PEF1: variants seen among roughly 807,000 people sequenced by gnomAD.
PEF1 encodes the protein peflin.
In PEF1, 17 loss-of-function variants were observed where a neutral mutation model predicts 32.0. The ratio of observed to expected loss-of-function variants is 0.53; its 90% CI spans 0.36 to 0.80. The LOEUF (loss-of-function observed/expected upper bound fraction) is 0.80. PEF1 is among the 30% of genes least tolerant of loss of function. The probability of loss-of-function intolerance (pLI) is 0.00; values close to 1 mark genes in which losing one functional copy is unlikely to be tolerated. For missense variants in PEF1, 362 were observed against 369.1 expected (o/e 0.98, Z 0.16); for synonymous variants, 130 against 139.8 (o/e 0.93, Z 0.50).
rs1365153595 is a variant in PEF1 at position 31,635,408 on chromosome 1, C to T, written c.139G>A (p.Gly47Arg). The T allele has an allele frequency of 6.2e-7, 1 of 1,612,982 alleles. No individual in the cohort carries two copies. The highest frequency in any genetic ancestry group is 8.5e-7 in the Non-Finnish European group (1 of 1,179,542). Residue 47 changes from glycine (G) to arginine (R), a missense_variant, in exon 2 of 5, where the codon GGG (glycine) becomes AGG (arginine). Gly to Arg is a moderately radical substitution (Grantham distance 125). Coordinates refer to ENST00000373703, the MANE Select transcript of PEF1 (RefSeq NM_012392.4). ...GSGLPPGGGYGGPAPGGPYGP... is the reference protein window; with the variant it reads ...GSGLPPGGGYRGPAPGGPYGP... ...TAAGGCCCTCCAGGGGCAGGACCCC[C>T]ATAACCACCACCAGGGGGTAGCCCA...
intron 1 of PEF1, among the ~76,000 whole-genome samples, chr1:31,642,919 A>G (rs1640439434): frequency 6.6e-6 from 1 of 152,228 alleles, no homozygotes; most frequent in Non-Finnish European, 1.5e-5. Flanking sequence ...CTATTAAGTA[A>G]TACAGCTAGA....
intron 1 of PEF1, among the ~76,000 whole-genome samples, chr1:31,640,666 T>C (rs912122498): frequency 2.0e-5 from 3 of 152,162 alleles, no homozygotes; most frequent in Non-Finnish European, 2.9e-5. Flanking sequence ...CAGTTAATAA[T>C]GGAATCTCTG....
chr1:31,642,850 C>T (rs1172657802), intron 1 of PEF1, among the ~76,000 whole-genome samples: 2 of 152,166 alleles, frequency 1.3e-5, no homozygotes, highest in Non-Finnish European at 2.9e-5. Context: ...ATTATTTCTC[C>T]CTTTATACAG....
chr1:31,632,094 G>C (rs1640120832), intron 4 of PEF1, among the ~76,000 whole-genome samples: 1 of 152,228 alleles, frequency 6.6e-6, no homozygotes, highest in African/African-American at 2.4e-5. Flanking sequence ...ACTAGCAGAG[G>C]TGGCAACAGA....
At chr1:31,638,655 C>T (rs1276489395) in intron 1 of PEF1, among the ~76,000 whole-genome samples, 1 of 152,254 alleles carries the variant, frequency 6.6e-6, no homozygotes, top group Non-Finnish European at 1.5e-5. Context: ...AGTCTGGCAG[C>T]AATTAAACCC....
At chr1:31,633,533 G>A (rs894861497) in intron 2 of PEF1, among the ~76,000 whole-genome samples, 4 of 152,140 alleles carry the variant, frequency 2.6e-5, no homozygotes, top group African/African-American at 9.7e-5. Context: ...TGGAGTTCTC[G>A]TATAGTGTTC....
intron 2 of PEF1, among the ~76,000 whole-genome samples, chr1:31,634,072 T>C (rs1195030536): frequency 6.6e-6 from 1 of 152,112 alleles, no homozygotes; most frequent in African/African-American, 2.4e-5. Context: ...AAGACAGCCA[T>C]GGGCAGTTGT....
chr1:31,643,909 T>G (rs1640474559), intron 1 of PEF1: 1 of 152,170 alleles, frequency 6.6e-6, no homozygotes, highest in Admixed American at 6.5e-5. Flanking sequence ...AGAAGTCTAC[T>G]AAAAATCAAA....
intron 4 of PEF1, among the ~76,000 whole-genome samples, chr1:31,631,630 T>C (rs1422087709): frequency 2.0e-5 from 3 of 152,194 alleles, no homozygotes; most frequent in Non-Finnish European, 2.9e-5. Flanking sequence ...GAATTATAAA[T>C]AGTACCTAGC....
chr1:31,630,549 C>G lies in PEF1; in HGVS notation c.*64G>C. ...CAGGAAAAGAAGAGATGTCCACATA[C>G]TTCTCTCACTCTAAGAAGCCAGGAA... On this transcript the variant is annotated 3_prime_UTR_variant, in exon 5 of 5. Transcript: ENST00000373703. 6 of 1,455,800 alleles carry G rather than the reference C, an allele frequency of 4.1e-6. No homozygotes were observed. Among genetic ancestry groups the G allele is most frequent in the Non-Finnish European group, 5.7e-6 (6 of 1,046,306 alleles). 90.2% of individuals were successfully genotyped at this position (1,455,800 alleles called of 1,614,324 possible). A position where few individuals can be genotyped will look rare whatever the true frequency, so the allele number is the denominator to read the frequency against.
In PEF1 at chr1:31,644,858, T is replaced by C. The variant is rs764113135; in HGVS notation, c.7A>G (p.Ser3Gly). 6 of 1,613,838 alleles carry C rather than the reference T, an allele frequency of 3.7e-6. No homozygotes were observed. Among genetic ancestry groups the C allele is most frequent in the Non-Finnish European group, 5.1e-6 (6 of 1,179,904 alleles). ...ACACTCACCTGCCGGTAAGGATAGC[T>C]GGCCATGGTGATTCTGACGTCACAC... is the stretch of plus-strand genomic sequence containing the variant. MA[S>G]YPYRQGCPGA... The change falls in exon 1 of 5, where the codon AGC becomes GGC. Residue 3 changes from serine (S) to glycine (G), a missense_variant. By Grantham distance (56) the Ser-to-Gly change is moderately conservative (BLOSUM62 0). Transcript: ENST00000373703.
intron 1 of PEF1, among the ~76,000 whole-genome samples, chr1:31,637,434 A>G (rs1640278869): frequency 6.6e-6 from 1 of 152,136 alleles, no homozygotes; most frequent in Admixed American, 6.5e-5. Context: ...TTAGCTAAAG[A>G]ATCCTTTGAT....
chr1:31,634,046 G>A (rs1027681956), intron 2 of PEF1, among the ~76,000 whole-genome samples: 1 of 152,032 alleles, frequency 6.6e-6, no homozygotes, highest in African/African-American at 2.4e-5. Context: ...GGCCACAATC[G>A]GGGTCCCTTC....
In PEF1 at chr1:31,630,509, G is replaced by A; in HGVS notation, c.*104C>T. On this transcript the variant is annotated 3_prime_UTR_variant, in exon 5 of 5. Coordinates refer to ENST00000373703, the MANE Select transcript of PEF1 (RefSeq NM_012392.4). ...AGTGTTGCATCAAGCAAGGGAGAAT[G>A]TTCTTCTAGAGGGACAGGAAAAGAA... The A allele has an allele frequency of 3.5e-6, 4 of 1,156,186 alleles. No individual in the cohort carries two copies. Among genetic ancestry groups the A allele is most frequent in the Non-Finnish European group, 5.0e-6 (4 of 801,580 alleles). 71.6% of individuals were successfully genotyped at this position (1,156,186 alleles called of 1,614,324 possible).
intron 1 of PEF1, among the ~76,000 whole-genome samples, chr1:31,638,258 C>A (rs1443610026): frequency 6.6e-6 from 1 of 151,260 alleles, no homozygotes; most frequent in Non-Finnish European, 1.5e-5. Flanking sequence ...ACCTAACCCC[C>A]ATTTTACAGA....
chr1:31,635,709 G>A (rs1399760016), intron 1 of PEF1, among the ~76,000 whole-genome samples, 187 bp from the exon 2 acceptor site: 1 of 152,092 alleles, frequency 6.6e-6, no homozygotes, highest in African/African-American at 2.4e-5. Flanking sequence ...GTTACCCAAA[G>A]TCACCCCGCC....
intron 4 of PEF1, chr1:31,632,271 T>C (rs1570267913): frequency 1.3e-6 from 1 of 770,982 alleles, no homozygotes; most frequent in Non-Finnish European, 2.2e-6. Context: ...CACTCCAGGG[T>C]CCAGCCCTGA....
chr1:31,637,193 C>T (rs2148621657), intron 1 of PEF1, among the ~76,000 whole-genome samples: 1 of 152,160 alleles, frequency 6.6e-6, no homozygotes, highest in Non-Finnish European at 1.5e-5. Context: ...TCCTTGGGAG[C>T]TTTTCTACCC....
chr1:31,644,615 G>A (rs1557591486), intron 1 of PEF1: 1 of 1,441,936 alleles, frequency 6.9e-7, no homozygotes, highest in Non-Finnish European at 9.1e-7. Context: ...ATCCTCGAGT[G>A]AGCGACGTCA....
Sources: gnomAD v4.1 joint callset for allele counts (sites outside exome capture counted in the v4.1 genomes callset) on GRCh38, gnomAD v4.1.1 for gene constraint, MANE v1.5 for transcripts, NCBI Gene and HGNC (gene_info 2026-07-23, HGNC 2026-07-21) for gene names.